The following PRMT7 variants were observed in gnomAD, a reference collection of about 807,000 sequenced individuals.
PRMT7 encodes the protein protein arginine N-methyltransferase 7.
In PRMT7, 75 loss-of-function variants were observed where a neutral mutation model predicts 85.4. The ratio of observed to expected loss-of-function variants is 0.88; its 90% confidence interval spans 0.73 to 1.06. The LOEUF is 1.06. Among genes scored for constraint, PRMT7 ranks in the 50% least tolerant of loss-of-function variants. The pLI, the probability that PRMT7 is intolerant of heterozygous loss-of-function variation, is 0.00. For missense variants in PRMT7, 868 were observed against 915.2 expected (o/e 0.95, Z 0.67); for synonymous variants, 397 against 359.5 (o/e 1.10, Z -1.18).
intron 3 of PRMT7, among the ~76,000 whole-genome samples, chr16:68,320,072 C>T (rs74024441): frequency 0.06 from 9,166 of 152,180 alleles, 365 homozygotes; most frequent in Middle Eastern, 0.15. Flanking sequence ...TCTCTTTCCC[C>T]GGCTGCTCTC....
intron 2 of PRMT7, among the ~76,000 whole-genome samples, chr16:68,314,967 A>T (rs532051367): frequency 6.6e-6 from 1 of 152,280 alleles, no homozygotes; most frequent in South Asian, 2.1e-4. Flanking sequence ...CACTATAAAA[A>T]ATAATGAAGC....
chr16:68,315,683 G>A (rs1225756379), intron 2 of PRMT7: 5 of 373,984 alleles, frequency 1.3e-5, no homozygotes, highest in Non-Finnish European at 2.0e-5. Context: ...AATGTTATAT[G>A]CTGAATATAA....
At chr16:68,329,307 G>A (rs777487156) in intron 6 of PRMT7, 133 bp downstream of exon 6, 50 of 615,104 alleles carry the variant, frequency 8.1e-5, no homozygotes, top group Non-Finnish European at 1.4e-4. Flanking sequence ...AGCTCTGACA[G>A]TAAGGACTTG....
chr16:68,336,474 T>G (rs1327000145), intron 6 of PRMT7, among the ~76,000 whole-genome samples: 6 of 152,226 alleles, frequency 3.9e-5, no homozygotes, highest in African/African-American at 1.4e-4. Context: ...AGAGCCTAAC[T>G]CACAGTAGCT....
rs763073507 is a variant in PRMT7, at chr16:68,357,356, G to GTGTTGCATCT, written c.*144_*153dup. 123 of 988,080 alleles carry GTGTTGCATCT rather than the reference G, an allele frequency of 1.2e-4. No homozygotes were observed. The African/African-American group carries it at 1.7e-3, about 14-fold the overall frequency. The allele number at this position is 988,080 out of a possible 1,614,324, so 61.2% of individuals were successfully genotyped here. A position where few individuals can be genotyped will look rare whatever the true frequency, so the allele number is the denominator to read the frequency against. On this transcript the variant is annotated 3_prime_UTR_variant, in exon 19 of 19. Coordinates refer to ENST00000441236, the MANE Select transcript of PRMT7 (RefSeq NM_019023.5). ...CCTCAGGGATGGGAAAGACTGCGCCGTGTTGCATCTTGTTGCATCTTTGCA... is the reference window on the plus strand; with the variant it reads ...CCTCAGGGATGGGAAAGACTGCGCCGTGTTGCATCTTGTTGCATCTTGTTGCATCTTTGCA...
intron 2 of PRMT7, 153 bp from the exon 3 acceptor site, chr16:68,315,744 A>G (rs999495707): frequency 1.9e-5 from 10 of 514,490 alleles, no homozygotes; most frequent in African/African-American, 9.7e-5. Flanking sequence ...AACAAATACT[A>G]TCAGTGGCTT....
At chr16:68,338,327 A>G (rs12921314) in intron 7 of PRMT7, among the ~76,000 whole-genome samples, 1 of 151,814 alleles carries the variant, frequency 6.6e-6, no homozygotes, top group Admixed American at 6.6e-5. Context: ...GGGCACCTGG[A>G]TTGGATGGTG....
chr16:68,312,426 C>T (rs1237004783), intron 2 of PRMT7, among the ~76,000 whole-genome samples: 1 of 151,754 alleles, frequency 6.6e-6, no homozygotes, highest in African/African-American at 2.4e-5. Context: ...TTGTAGAGAA[C>T]GGGGTCTCAC....
Position 68,357,235 on chromosome 16 carries a change from G to T in PRMT7, c.*11G>T. Reference sequence around the variant, plus strand: ...GATACCCCAGACTGACCACTCTTGAGCAATAAAGTGGCCTGAGGGCTGGGG... The same window carrying T: ...GATACCCCAGACTGACCACTCTTGATCAATAAAGTGGCCTGAGGGCTGGGG... On this transcript the variant is annotated 3_prime_UTR_variant, in exon 19 of 19. Transcript: ENST00000441236. The T allele has an allele frequency of 6.2e-7, 1 of 1,602,828 alleles. No homozygotes were observed. The highest frequency in any genetic ancestry group is 2.2e-5 in the East Asian group (1 of 44,772).
chr16:68,352,151 T>G, intron 14 of PRMT7, 97 bp from the exon 15 acceptor site: 1 of 1,335,200 alleles, frequency 7.5e-7, no homozygotes, highest in Non-Finnish European at 1.0e-6. Flanking sequence ...AGGGAGTGAC[T>G]TGAGTGACTG....
At chr16:68,329,901 A>T (rs1336389541) in intron 6 of PRMT7, among the ~76,000 whole-genome samples, 5 of 147,828 alleles carry the variant, frequency 3.4e-5, no homozygotes, top group Non-Finnish European at 7.5e-5. Context: ...ACACACACAT[A>T]TTTTTTTTTT....
chr16:68,321,500 G>A (rs2082494554), intron 4 of PRMT7, 38 bp downstream of exon 4: 1 of 1,561,084 alleles, frequency 6.4e-7, no homozygotes, highest in Non-Finnish European at 8.8e-7. Context: ...GATGTGGGGT[G>A]TTTTGAAGTC....
At chr16:68,331,555 C>T (rs1033764416) in intron 6 of PRMT7, among the ~76,000 whole-genome samples, 1 of 150,620 alleles carries the variant, frequency 6.6e-6, no homozygotes, top group South Asian at 2.1e-4. Flanking sequence ...GCAGCTTTGA[C>T]CTCCTGGGCT....
At chr16:68,346,863 C>G (rs191324471) in intron 11 of PRMT7, among the ~76,000 whole-genome samples, 39 of 152,212 alleles carry the variant, frequency 2.6e-4, no homozygotes, top group Non-Finnish European at 4.4e-5. Context: ...TTTGGGCAGT[C>G]AATTGTGAAC....
rs1251713297 is a variant in PRMT7 at position 68,355,785 on chromosome 16, C to A, written c.1713C>A (p.Cys571Ter). 3 of 1,611,584 alleles carry A rather than the reference C, an allele frequency of 1.9e-6. No individual in the cohort carries two copies. The highest frequency in any genetic ancestry group is 2.5e-6 in the Non-Finnish European group (3 of 1,179,154). ...CCCACCCGCTGTGGGAGTACCCATG[C>A]CGCAGCCTCTCCGAGCCCTGGCAGA... ...AEPHPLWEYP[C>*]RSLSEPWQIL... is the part of the protein sequence containing the mutation. Residue 571 changes from cysteine to a stop codon, truncating the protein, a stop_gained, in exon 17 of 19, where the codon TGC (cysteine) becomes TGA (stop). Coordinates refer to ENST00000441236, the MANE Select transcript of PRMT7 (RefSeq NM_019023.5). LOFTEE classifies it high-confidence loss of function.
At chr16:68,337,417 G>A (rs1401681003) in intron 6 of PRMT7, 42 bp from the exon 7 acceptor site, 1 of 1,392,792 alleles carries the variant, frequency 7.2e-7, no homozygotes, top group Admixed American at 1.8e-5. Flanking sequence ...ATTTTTCCTA[G>A]TCTGTTGCTT....
intron 9 of PRMT7, among the ~76,000 whole-genome samples, chr16:68,345,262 G>A (rs1358123257): frequency 6.6e-6 from 1 of 152,178 alleles, no homozygotes; most frequent in Non-Finnish European, 1.5e-5. Flanking sequence ...AAAGCCTTTG[G>A]AATGCGTGCC....
intron 11 of PRMT7, among the ~76,000 whole-genome samples, chr16:68,346,579 C>CCT (rs1567719667): frequency 1.3e-5 from 2 of 151,434 alleles, no homozygotes; most frequent in African/African-American, 4.9e-5. Context: ...TTAGGCCACC[C>CCT]CCTCTTTTCA....
intron 17 of PRMT7, among the ~76,000 whole-genome samples, chr16:68,356,371 C>G (rs1409278876): frequency 6.6e-6 from 1 of 152,230 alleles, no homozygotes; most frequent in East Asian, 1.9e-4. Flanking sequence ...CCTGAGCTCC[C>G]AGGGTTGCTG....
Sources: gnomAD v4.1 joint callset for allele counts (sites outside exome capture counted in the v4.1 genomes callset) on GRCh38, gnomAD v4.1.1 for gene constraint, MANE v1.5 for transcripts, NCBI Gene and HGNC (gene_info 2026-07-23, HGNC 2026-07-21) for gene names.